Variants in SND1 observed in about 807,000 individuals in gnomAD.
SND1 encodes staphylococcal nuclease and tudor domain containing 1, also known as staphylococcal nuclease domain-containing protein 1.
SND1 carries 38 observed loss-of-function variants against 121.7 expected under a neutral mutation model. That is an observed-to-expected ratio of 0.31 (90% CI 0.24 to 0.41). SND1 has a LOEUF of 0.41. Among genes scored for constraint, SND1 ranks in the 10% least tolerant of loss-of-function variants. The pLI is 1.00. For missense variants in SND1, 868 were observed against 1,184.6 expected (o/e 0.73, Z 3.92); for synonymous variants, 401 against 447.4 (o/e 0.90, Z 1.31).
intron 10 of SND1, among the ~76,000 whole-genome samples, chr7:127,741,305 A>G (rs1008645014): frequency 2.6e-5 from 4 of 152,216 alleles, no homozygotes; most frequent in African/African-American, 9.6e-5. Context: ...AAGAAGTAAA[A>G]TCTAAAATGA....
chr7:127,972,696 C>T (rs1352454681), intron 15 of SND1, among the ~76,000 whole-genome samples: 1 of 152,220 alleles, frequency 6.6e-6, no homozygotes, highest in Non-Finnish European at 1.5e-5. Flanking sequence ...TATCCTACCT[C>T]AGCCTCCCTA....
intron 10 of SND1, among the ~76,000 whole-genome samples, chr7:127,755,804 AAC>A (rs1446944841): frequency 3.9e-5 from 6 of 152,252 alleles, no homozygotes; most frequent in Non-Finnish European, 8.8e-5. Context: ...TACAACGTGT[AAC>A]ACAAGCTGAC....
intron 1 of SND1, among the ~76,000 whole-genome samples, chr7:127,672,161 A>AT (rs1001146207): frequency 2.7e-4 from 41 of 150,046 alleles, no homozygotes; most frequent in South Asian, 1.1e-3. Context: ...GATCTTCCGT[A>AT]TTTTTTTTTT....
At chr7:128,014,841 T>C (rs1286537989) in intron 16 of SND1, among the ~76,000 whole-genome samples, 2 of 152,158 alleles carry the variant, frequency 1.3e-5, no homozygotes, top group African/African-American at 4.8e-5. Flanking sequence ...TGCTTCCCTG[T>C]ATCCATCCCA....
chr7:127,742,674 T>C (rs143924713), intron 10 of SND1, among the ~76,000 whole-genome samples: 1 of 152,234 alleles, frequency 6.6e-6, no homozygotes, highest in East Asian at 1.9e-4. Context: ...GTTTTAACTG[T>C]GTAGTCATTT....
In SND1 at chr7:127,679,165, A is replaced by G. The variant is rs981204100; in HGVS notation, c.79-7448A>G. On this transcript the variant is annotated intron_variant, in intron 1 of 23. Coordinates refer to ENST00000354725, the MANE Select transcript of SND1 (RefSeq NM_014390.4). ...GCTTCTGGCCATTTTCATCCTTTTT[A>G]GAGCTTTGTAGATTTCACTGAAGTT... 9 of 152,272 alleles carry G rather than the reference A, an allele frequency of 5.9e-5. No individual in the cohort carries two copies. The East Asian group carries it at 1.2e-3, about 20-fold the overall frequency. The allele number at this position is 152,272 out of a possible 1,614,324, so 9.4% of individuals were successfully genotyped here.
intron 16 of SND1, among the ~76,000 whole-genome samples, chr7:128,053,026 A>G (rs1168737844): frequency 6.6e-6 from 1 of 152,254 alleles, no homozygotes; most frequent in Non-Finnish European, 1.5e-5. Flanking sequence ...AAATTTGCTT[A>G]CATATATTGA....
intron 12 of SND1, chr7:127,858,194 A>G (rs1799317200): frequency 2.5e-6 from 2 of 788,862 alleles, no homozygotes; most frequent in Non-Finnish European, 4.6e-6. Context: ...CTTCAGCCGC[A>G]TGGCCAACTG....
At chr7:127,686,799 C>G (rs1469643431) in intron 2 of SND1, 37 bp downstream of exon 2, 3 of 1,594,522 alleles carry the variant, frequency 1.9e-6, no homozygotes, top group Admixed American at 3.4e-5. Flanking sequence ...GCCTGTGGAC[C>G]TAGGTAATAG....
chr7:127,740,680 G>A (rs928334441), intron 10 of SND1, among the ~76,000 whole-genome samples: 1 of 152,146 alleles, frequency 6.6e-6, no homozygotes, highest in African/African-American at 2.4e-5. Context: ...ATTTCCAAGG[G>A]GGTGGGGGGT....
At chr7:127,974,701 T>G (rs1802073599) in intron 15 of SND1, among the ~76,000 whole-genome samples, 1 of 152,216 alleles carries the variant, frequency 6.6e-6, no homozygotes, top group Non-Finnish European at 1.5e-5. Flanking sequence ...TATAGGATTT[T>G]CCAGTTTAGT....
chr7:127,983,993 G>T (rs2116905949), intron 15 of SND1, among the ~76,000 whole-genome samples: 1 of 152,218 alleles, frequency 6.6e-6, no homozygotes, highest in South Asian at 2.1e-4. Flanking sequence ...TCAAATATTT[G>T]CAGATTGTTA....
chr7:127,701,516 A>G (rs1796101084), intron 5 of SND1, among the ~76,000 whole-genome samples, 193 bp downstream of exon 5: 1 of 152,192 alleles, frequency 6.6e-6, no homozygotes, highest in Admixed American at 6.5e-5. Flanking sequence ...AAATCACATC[A>G]GATACATTCT....
At chr7:127,885,477 A>G (rs1799884865) in intron 12 of SND1, among the ~76,000 whole-genome samples, 1 of 152,096 alleles carries the variant, frequency 6.6e-6, no homozygotes, top group Non-Finnish European at 1.5e-5. Context: ...AGAGAGAAGA[A>G]AGTTAGTGGG....
chr7:127,704,484 G>T (rs961815441), intron 7 of SND1, among the ~76,000 whole-genome samples: 2 of 152,212 alleles, frequency 1.3e-5, no homozygotes, highest in African/African-American at 4.8e-5. Context: ...AGGGAGGGAA[G>T]AATAAGGTGT....
intron 16 of SND1, among the ~76,000 whole-genome samples, chr7:128,051,095 C>T (rs2117020568): frequency 6.6e-6 from 1 of 152,292 alleles, no homozygotes. Context: ...CTGGTTCTGC[C>T]CTGTGTGCTT....
chr7:127,764,038 C>CAAAAAAAAAA (rs60053474), intron 10 of SND1, among the ~76,000 whole-genome samples: 10 of 76,470 alleles, frequency 1.3e-4, no homozygotes, highest in Middle Eastern at 8.6e-3. Flanking sequence ...GACCCTGTCG[C>CAAAAAAAAAA]AAAAAAAAAA....
chr7:127,881,835 G>A (rs1799797765), intron 12 of SND1, among the ~76,000 whole-genome samples: 4 of 152,138 alleles, frequency 2.6e-5, no homozygotes, highest in Non-Finnish European at 5.9e-5. Flanking sequence ...GTGCAGTGGT[G>A]TGACCATGGC....
intron 12 of SND1, among the ~76,000 whole-genome samples, chr7:127,849,006 T>G (rs1050807422): frequency 1.3e-5 from 2 of 152,190 alleles, no homozygotes; most frequent in Admixed American, 1.3e-4. Context: ...TTGATTAACT[T>G]CACTGTGGAG....
Sources: gnomAD v4.1 joint callset for allele counts (sites outside exome capture counted in the v4.1 genomes callset) on GRCh38, gnomAD v4.1.1 for gene constraint, MANE v1.5 for transcripts, NCBI Gene and HGNC (gene_info 2026-07-23, HGNC 2026-07-21) for gene names.